The following SGCZ variants were observed in gnomAD, a reference collection of about 807,000 sequenced individuals.
SGCZ encodes sarcoglycan zeta, also known as zeta-sarcoglycan.
In SGCZ, 40 loss-of-function variants were observed where a neutral mutation model predicts 41.3. The observed-to-expected ratio is 0.97, with a 90% CI of 0.75 to 1.26. SGCZ has a LOEUF of 1.26. SGCZ is among the 50% of genes most tolerant of loss of function. The pLI is 0.00. For synonymous variants in SGCZ, 206 were observed against 137.5 expected (o/e 1.50, Z -3.49); for missense variants, 552 against 369.8 (o/e 1.49, Z -4.04).
intron 7 of SGCZ, among the ~76,000 whole-genome samples, chr8:14,101,164 C>T (rs1802008224): frequency 6.6e-6 from 1 of 151,844 alleles, no homozygotes; most frequent in Admixed American, 6.6e-5. Context: ...AAAACATAAT[C>T]ACTAAAATTA....
intron 1 of SGCZ, among the ~76,000 whole-genome samples, chr8:14,811,585 G>C (rs962149407): frequency 5.0e-5 from 7 of 139,562 alleles, no homozygotes; most frequent in Non-Finnish European, 1.1e-4. Context: ...TTATGGGAGA[G>C]GGCCAGAAAA....
chr8:14,268,809 T>C (rs111777832), intron 3 of SGCZ, among the ~76,000 whole-genome samples: 16 of 151,950 alleles, frequency 1.1e-4, no homozygotes, highest in African/African-American at 2.7e-4. Context: ...TAGTCTGGAA[T>C]ATAAAACATC....
At chr8:15,212,711 G>C (rs2117163806) in intron 1 of SGCZ, among the ~76,000 whole-genome samples, 1 of 151,970 alleles carries the variant, frequency 6.6e-6, no homozygotes, top group African/African-American at 2.4e-5. Context: ...GAAGTCCTTA[G>C]AGGTAAAGCA....
chr8:14,451,602 G>T (rs1237693184), intron 2 of SGCZ, among the ~76,000 whole-genome samples: 1 of 152,140 alleles, frequency 6.6e-6, no homozygotes, highest in Non-Finnish European at 1.5e-5. Context: ...TCTGATAAAG[G>T]ACTGCTATTC....
chr8:14,533,675 T>C (rs542176833), intron 2 of SGCZ, among the ~76,000 whole-genome samples: 1 of 152,148 alleles, frequency 6.6e-6, no homozygotes, highest in South Asian at 2.1e-4. Context: ...TACTCTTTTA[T>C]CCATCAACAG....
intron 1 of SGCZ, among the ~76,000 whole-genome samples, chr8:14,799,139 A>G (rs1332851322): frequency 6.6e-6 from 1 of 152,100 alleles, no homozygotes; most frequent in African/African-American, 2.4e-5. Flanking sequence ...TTGGAAGAAA[A>G]CTAATAATGG....
chr8:14,491,407 G>C (rs559015916), intron 2 of SGCZ, among the ~76,000 whole-genome samples: 2 of 152,224 alleles, frequency 1.3e-5, no homozygotes, highest in Middle Eastern at 6.8e-3. Context: ...AATGAGGTGA[G>C]TCTGCAGAGA....
At position 14,600,317 on chromosome 8, in the gene SGCZ, T is replaced by C. The variant is rs866215435; in HGVS notation, c.40-45391A>G. 6.6e-5 allele frequency among the ~76,000 whole-genome samples: 10 copies of C among 152,192 alleles called. No homozygotes were observed. In the South Asian group the frequency reaches 2.1e-3, roughly 31 times the overall value. Reference sequence around the variant, plus strand: ...CATCTATTTCCTTTAACGGCATCTATATACTGATGACTCAGAAGGGTAAAT... The same window carrying C: ...CATCTATTTCCTTTAACGGCATCTACATACTGATGACTCAGAAGGGTAAAT... On this transcript the variant is annotated intron_variant, in intron 1 of 7. Transcript: ENST00000382080.
intron 1 of SGCZ, among the ~76,000 whole-genome samples, chr8:15,177,702 G>A (rs1262491752): frequency 2.6e-5 from 4 of 152,098 alleles, no homozygotes; most frequent in Non-Finnish European, 5.9e-5. Flanking sequence ...TTAAGTTAAG[G>A]TCTAACAGAA....
chr8:14,849,930 A>G (rs1278718215), intron 1 of SGCZ, among the ~76,000 whole-genome samples: 1 of 152,174 alleles, frequency 6.6e-6, no homozygotes, highest in Admixed American at 6.6e-5. Context: ...TTTATCTTCA[A>G]ATCACCTTAA....
At chr8:15,147,745 G>C (rs268441) in intron 1 of SGCZ, among the ~76,000 whole-genome samples, 20,071 of 152,178 alleles carry the variant, frequency 0.13, 1,748 homozygotes, top group African/African-American at 0.25. Context: ...TGTTGCAGAA[G>C]GGGTTCTGAG....
chr8:14,741,386 T>A (rs1585223457), intron 1 of SGCZ, among the ~76,000 whole-genome samples: 1 of 152,228 alleles, frequency 6.6e-6, no homozygotes, highest in South Asian at 2.1e-4. Flanking sequence ...ATTTAAAGCC[T>A]CTTACACATA....
At chr8:14,403,012 G>C (rs1799119790) in intron 2 of SGCZ, among the ~76,000 whole-genome samples, 1 of 149,814 alleles carries the variant, frequency 6.7e-6, no homozygotes, top group Admixed American at 6.6e-5. Context: ...CACATCCCTT[G>C]TAAGTTGGAT....
At chr8:14,886,719 G>C (rs960675271) in intron 1 of SGCZ, among the ~76,000 whole-genome samples, 3 of 152,142 alleles carry the variant, frequency 2.0e-5, no homozygotes, top group African/African-American at 7.2e-5. Flanking sequence ...GCAATGGCTT[G>C]GCTTGTTCTA....
intron 1 of SGCZ, among the ~76,000 whole-genome samples, chr8:14,837,983 T>C (rs1247226236): frequency 3.3e-5 from 5 of 152,158 alleles, no homozygotes; most frequent in African/African-American, 4.8e-5. Context: ...TAGTTAGATA[T>C]ACACAATGTA....
intron 1 of SGCZ, among the ~76,000 whole-genome samples, chr8:14,706,616 C>T (rs1809339953): frequency 6.6e-6 from 1 of 152,046 alleles, no homozygotes; most frequent in African/African-American, 2.4e-5. Flanking sequence ...TAATTATAAT[C>T]CCATAGCCTG....
chr8:15,237,685 T>G lies in SGCZ; in HGVS notation c.-62A>C, dbSNP rs899641545. 2.6e-6 allele frequency: 4 copies of G among 1,537,830 alleles called. No homozygotes were observed. Among genetic ancestry groups the G allele is most frequent in the Admixed American group, 2.0e-5 (1 of 51,256 alleles). ...AGTGGCACCCAAAAACAATCTAGTC[T>G]TTTAGTTTCCAGCTTAAACTCAGCT... On this transcript the variant is annotated 5_prime_UTR_variant, in exon 1 of 8. Transcript: ENST00000382080.
At chr8:14,552,828 C>A (rs565165018) in intron 2 of SGCZ, among the ~76,000 whole-genome samples, 1 of 152,102 alleles carries the variant, frequency 6.6e-6, no homozygotes, top group Middle Eastern at 3.4e-3. Flanking sequence ...TTTAAATATG[C>A]TTGAAAAGCT....
intron 1 of SGCZ, among the ~76,000 whole-genome samples, chr8:14,648,915 T>C (rs889806157): frequency 6.6e-6 from 1 of 152,100 alleles, no homozygotes; most frequent in Non-Finnish European, 1.5e-5. Context: ...AAAGAATAAA[T>C]TGTGTCTTAT....
Sources: gnomAD v4.1 joint callset for allele counts (sites outside exome capture counted in the v4.1 genomes callset) on GRCh38, gnomAD v4.1.1 for gene constraint, MANE v1.5 for transcripts, NCBI Gene and HGNC (gene_info 2026-07-23, HGNC 2026-07-21) for gene names.